WDR1: variants seen among roughly 807,000 people sequenced by gnomAD.
WDR1 encodes the protein WD repeat domain 1.
A neutral mutation model predicts 71.9 loss-of-function variants in WDR1; 21 were observed. That is an observed-to-expected ratio of 0.29 (90% CI 0.21 to 0.42). WDR1 has a LOEUF of 0.42. Among genes scored for constraint, WDR1 ranks in the 10% least tolerant of loss-of-function variants. The pLI is 1.00. For synonymous variants in WDR1, 424 were observed against 347.4 expected (o/e 1.22, Z -2.45); for missense variants, 696 against 824.5 (o/e 0.84, Z 1.91).
chr4:10,114,499 C>A (rs1421298801), intron 2 of WDR1, among the ~76,000 whole-genome samples: 1 of 152,174 alleles, frequency 6.6e-6, no homozygotes, highest in Non-Finnish European at 1.5e-5. Flanking sequence ...ACAGCAGGTA[C>A]TTTATGTGAG....
Position 10,087,695 on chromosome 4 carries a change from G to A in WDR1, c.951+12C>T, listed in dbSNP as rs1711673704. Reference sequence around the variant, plus strand: ...ACCCAGCGGGCAGAGCCTTCCCCAGGGCAGGCCTTACCTTGATGACGTGCA... The same window carrying A: ...ACCCAGCGGGCAGAGCCTTCCCCAGAGCAGGCCTTACCTTGATGACGTGCA... On this transcript the variant is annotated intron_variant, in intron 8 of 14. Transcript: ENST00000499869. The A allele has an allele frequency of 1.3e-6, 2 of 1,572,596 alleles. No homozygotes were observed. Among genetic ancestry groups the A allele is most frequent in the Non-Finnish European group, 8.6e-7 (1 of 1,158,032 alleles).
chr4:10,082,372 A>G (rs1765051777), intron 10 of WDR1, among the ~76,000 whole-genome samples: 1 of 152,040 alleles, frequency 6.6e-6, no homozygotes. Flanking sequence ...GGGTCTACAC[A>G]AGAAATGTAG....
At chr4:10,090,430 G>A (rs528078994) in intron 5 of WDR1, among the ~76,000 whole-genome samples, 1 of 152,248 alleles carries the variant, frequency 6.6e-6, no homozygotes, top group Admixed American at 6.5e-5. Context: ...TACAGACACC[G>A]TTCAGTCTGG....
At chr4:10,110,246 C>T (rs544956964) in intron 2 of WDR1, among the ~76,000 whole-genome samples, 19 of 152,172 alleles carry the variant, frequency 1.2e-4, no homozygotes, top group African/African-American at 1.9e-4. Context: ...ATCACTGAGA[C>T]GGCGAAGAGA....
At chr4:10,116,308 C>A in intron 1 of WDR1, 74 bp from the exon 2 acceptor site, 1 of 1,598,940 alleles carries the variant, frequency 6.3e-7, no homozygotes, top group South Asian at 1.1e-5. Flanking sequence ...AGAAGGAGCC[C>A]CGGACCGGTC....
intron 8 of WDR1, among the ~76,000 whole-genome samples, chr4:10,085,309 C>T (rs1765169361): frequency 6.6e-6 from 1 of 152,242 alleles, no homozygotes; most frequent in South Asian, 2.1e-4. Context: ...CACATGTTGC[C>T]ACAATATGGC....
chr4:10,116,697 C>G lies in WDR1; in HGVS notation c.-31G>C, dbSNP rs1440189341. ...CCCACTTGTTACCGCGCCGCGCTCG[C>G]CGAGAGCCTCCGGGGCCGGCCCGCG... is the stretch of plus-strand genomic sequence containing the variant. On this transcript the variant is annotated 5_prime_UTR_variant, in exon 1 of 15. Coordinates refer to ENST00000499869, the MANE Select transcript of WDR1 (RefSeq NM_017491.5). The G allele has an allele frequency of 7.4e-7, 1 of 1,349,808 alleles. No individual in the cohort carries two copies. The highest frequency in any genetic ancestry group is 1.7e-5 in the South Asian group (1 of 57,666). The allele number at this position is 1,349,808 out of a possible 1,614,324, so 83.6% of individuals were successfully genotyped here.
Position 10,116,794 on chromosome 4 carries a change from T to TG in WDR1, c.-129dup, listed in dbSNP as rs1359730268. ...AAGGCGGCACCGGGCGTGCCGGGAGTGGAGTGGGCGGTCCGAGGCCGGGGC... is the reference window on the plus strand; with the variant it reads ...AAGGCGGCACCGGGCGTGCCGGGAGTGGGAGTGGGCGGTCCGAGGCCGGGGC... On this transcript the variant is annotated 5_prime_UTR_variant, in exon 1 of 15. Transcript: ENST00000499869. The TG allele has an allele frequency of 9.0e-7, 1 of 1,114,422 alleles. No individual in the cohort carries two copies. 69.0% of individuals were successfully genotyped at this position (1,114,422 alleles called of 1,614,324 possible).
chr4:10,094,617 T>A (rs2278122), intron 5 of WDR1: 70,707 of 152,068 alleles, frequency 0.46, 16,709 homozygotes, highest in Middle Eastern at 0.54. Context: ...GAGACCACGG[T>A]GCCCAGGGTC....
intron 12 of WDR1, 113 bp from the exon 13 acceptor site, chr4:10,078,039 G>T: frequency 7.8e-7 from 1 of 1,280,116 alleles, no homozygotes; most frequent in Non-Finnish European, 1.1e-6. Flanking sequence ...ACTGACTGCT[G>T]CTCTGCTGGG....
intron 5 of WDR1, among the ~76,000 whole-genome samples, chr4:10,089,939 C>T (rs1289677163): frequency 1.3e-5 from 2 of 152,212 alleles, no homozygotes; most frequent in Admixed American, 6.5e-5. Context: ...TTTGCAGATG[C>T]AGTCCAGTTA....
chr4:10,114,755 TC>T (rs1367571315), intron 2 of WDR1, among the ~76,000 whole-genome samples: 2 of 152,202 alleles, frequency 1.3e-5, no homozygotes, highest in Non-Finnish European at 2.9e-5. Context: ...GCAAGGCCCT[TC>T]GGCTTTCTAG....
At chr4:10,098,066 A>G (rs1037494070) in intron 4 of WDR1, among the ~76,000 whole-genome samples, 175 bp from the exon 5 acceptor site, 3 of 152,118 alleles carry the variant, frequency 2.0e-5, no homozygotes, top group Non-Finnish European at 2.9e-5. Context: ...CTGGCTCCAC[A>G]AGGCATTTGT....
chr4:10,076,641 G>A (rs1764806392), intron 14 of WDR1: 1 of 152,324 alleles, frequency 6.6e-6, no homozygotes, highest in Admixed American at 6.5e-5. Flanking sequence ...TGCAGCTGGG[G>A]AATGGGCTCT....
intron 8 of WDR1, among the ~76,000 whole-genome samples, chr4:10,086,349 C>T (rs371062122): frequency 6.6e-6 from 1 of 152,224 alleles, no homozygotes; most frequent in African/African-American, 2.4e-5. Context: ...GTCTAGTGAA[C>T]CTTTATGGTT....
intron 9 of WDR1, chr4:10,083,597 A>T (rs1335714304): frequency 1.0e-5 from 5 of 483,352 alleles, no homozygotes; most frequent in South Asian, 7.6e-5. Context: ...TTTGGGAGGT[A>T]CAGCACATGC....
chr4:10,107,518 C>T (rs1468015113), intron 2 of WDR1, among the ~76,000 whole-genome samples: 2 of 152,224 alleles, frequency 1.3e-5, no homozygotes, highest in Non-Finnish European at 1.5e-5. Flanking sequence ...CTGCTGCCGC[C>T]CTGACGTTGC....
rs1048788070 is a variant in WDR1, at chr4:10,075,049, C to T, written c.*329G>A. 3.2e-5 allele frequency: 13 copies of T among 408,088 alleles called. No homozygotes were observed. The highest frequency in any genetic ancestry group is 1.0e-4 in the African/African-American group (5 of 49,916). 25.3% of individuals were successfully genotyped at this position (408,088 alleles called of 1,614,324 possible). A position where few individuals can be genotyped will look rare whatever the true frequency, so the allele number is the denominator to read the frequency against. ...CCCTGACAGATAGTGAGAGCCGCGGCGGGGCCAGGGGCTCTGTGTGCTTTG... is the reference window on the plus strand; with the variant it reads ...CCCTGACAGATAGTGAGAGCCGCGGTGGGGCCAGGGGCTCTGTGTGCTTTG... On this transcript the variant is annotated 3_prime_UTR_variant, in exon 15 of 15. Transcript: ENST00000499869.
chr4:10,116,333 G>A (rs1405635503), intron 1 of WDR1, 99 bp from the exon 2 acceptor site: 1 of 1,526,000 alleles, frequency 6.6e-7, no homozygotes, highest in Non-Finnish European at 8.9e-7. Flanking sequence ...CCGGTCACCT[G>A]TTGACTGCGC....
Sources: gnomAD v4.1 joint callset for allele counts (sites outside exome capture counted in the v4.1 genomes callset) on GRCh38, gnomAD v4.1.1 for gene constraint, MANE v1.5 for transcripts, NCBI Gene and HGNC (gene_info 2026-07-23, HGNC 2026-07-21) for gene names.